The following CSNK2A2IP variants were observed in gnomAD, a reference collection of about 807,000 sequenced individuals.
The protein encoded by CSNK2A2IP is casein kinase 2 subunit alpha' interacting protein.
At chr3:88,421,583 T>C in the CSNK2A2IP span, among the ~76,000 whole-genome samples, 1 of 152,042 alleles carries the variant, frequency 6.6e-6, no homozygotes, top group Admixed American at 6.6e-5. Context: ...CCTGGCTAAC[T>C]TTTTGTATTT....
At chr3:88,403,346 G>GA in the CSNK2A2IP span, among the ~76,000 whole-genome samples, 1 of 152,010 alleles carries the variant, frequency 6.6e-6, no homozygotes, top group Non-Finnish European at 1.5e-5. Flanking sequence ...GGTCACCATT[G>GA]AAAAATGTAA....
At chr3:88,371,052 A>G in the CSNK2A2IP span, among the ~76,000 whole-genome samples, 4 of 151,450 alleles carry the variant, frequency 2.6e-5, no homozygotes, top group African/African-American at 7.3e-5. Context: ...AAATAAATTT[A>G]TGTTGTTTAA....
At chr3:88,338,675 CAAGAGTGTG>C in the CSNK2A2IP span, 2 of 152,100 alleles carry the variant, frequency 1.3e-5, no homozygotes, top group African/African-American at 4.8e-5. Context: ...TGCTTCTGTA[CAAGAGTGTG>C]CTAAAGTCCT....
the CSNK2A2IP span, among the ~76,000 whole-genome samples, chr3:88,394,596 A>G: frequency 6.6e-6 from 1 of 152,032 alleles, no homozygotes; most frequent in South Asian, 2.1e-4. Flanking sequence ...CTGGTCTCGA[A>G]CTCTTGACCT....
At chr3:88,412,160 T>A in the CSNK2A2IP span, among the ~76,000 whole-genome samples, 32 of 152,066 alleles carry the variant, frequency 2.1e-4, no homozygotes, top group East Asian at 6.2e-3. Context: ...GTTTTATCAG[T>A]ACTAGGGAAA....
chr3:88,387,404 C>T, the CSNK2A2IP span, among the ~76,000 whole-genome samples: 8 of 152,080 alleles, frequency 5.3e-5, no homozygotes, highest in African/African-American at 1.7e-4. Flanking sequence ...CTCTTGACCT[C>T]GTGATCCACC....
At chr3:88,396,104 CTT>C in the CSNK2A2IP span, among the ~76,000 whole-genome samples, 610 of 115,332 alleles carry the variant, frequency 5.3e-3, 1 homozygote, top group Middle Eastern at 0.014. Context: ...CTACCTACTT[CTT>C]TTTTTTTTTT....
At chr3:88,425,472 C>A in the CSNK2A2IP span, among the ~76,000 whole-genome samples, 1 of 151,970 alleles carries the variant, frequency 6.6e-6, no homozygotes, top group Non-Finnish European at 1.5e-5. Context: ...ATATTTATAT[C>A]TCTACTATCA....
At chr3:88,420,056 A>G in the CSNK2A2IP span, among the ~76,000 whole-genome samples, 2 of 152,164 alleles carry the variant, frequency 1.3e-5, no homozygotes, top group Non-Finnish European at 2.9e-5. Context: ...CTACCAGAGA[A>G]ATTATGATTT....
the CSNK2A2IP span, among the ~76,000 whole-genome samples, chr3:88,442,450 A>G: frequency 2.0e-5 from 3 of 152,188 alleles, no homozygotes; most frequent in African/African-American, 7.2e-5. Flanking sequence ...TACAAACAAA[A>G]ATAGACTGAA....
chr3:88,437,626 C>A, the CSNK2A2IP span, among the ~76,000 whole-genome samples: 1 of 152,114 alleles, frequency 6.6e-6, no homozygotes, highest in Non-Finnish European at 1.5e-5. Context: ...AAGTCATAAT[C>A]ATTTCCTAAA....
At chr3:88,445,356 A>C in the CSNK2A2IP span, among the ~76,000 whole-genome samples, 776 of 150,656 alleles carry the variant, frequency 5.2e-3, 10 homozygotes, top group African/African-American at 0.018. Context: ...AGACGAAGGC[A>C]GGAGAATTGC....
the CSNK2A2IP span, among the ~76,000 whole-genome samples, chr3:88,427,892 G>T: frequency 6.6e-6 from 1 of 152,126 alleles, no homozygotes; most frequent in Admixed American, 6.5e-5. Flanking sequence ...GTACCCACTT[G>T]GTCACTGCCT....
chr3:88,401,283 T>C, the CSNK2A2IP span, among the ~76,000 whole-genome samples: 6 of 152,130 alleles, frequency 3.9e-5, no homozygotes, highest in Non-Finnish European at 5.9e-5. Flanking sequence ...ATGTCTTCTT[T>C]ATAATTTTCA....
the CSNK2A2IP span, among the ~76,000 whole-genome samples, chr3:88,410,350 G>A: frequency 3.9e-5 from 6 of 152,060 alleles, no homozygotes; most frequent in Non-Finnish European, 8.8e-5. Flanking sequence ...GTTCCTTAAG[G>A]TATGTGACAA....
chr3:88,378,152 A>C, the CSNK2A2IP span, among the ~76,000 whole-genome samples: 1 of 152,080 alleles, frequency 6.6e-6, no homozygotes, highest in Non-Finnish European at 1.5e-5. Flanking sequence ...TAATGATGCA[A>C]TTTTAACTTA....
At chr3:88,431,953 C>G in the CSNK2A2IP span, among the ~76,000 whole-genome samples, 1 of 152,004 alleles carries the variant, frequency 6.6e-6, no homozygotes, top group Non-Finnish European at 1.5e-5. Flanking sequence ...AGGCTCAAGC[C>G]ATTTTCCCAT....
chr3:88,382,435 A>C, the CSNK2A2IP span: 1 of 152,224 alleles, frequency 6.6e-6, no homozygotes, highest in African/African-American at 2.4e-5. Context: ...TGGAGACCTC[A>C]AGCACTGAGA....
chr3:88,377,032 C>T, the CSNK2A2IP span, among the ~76,000 whole-genome samples: 197 of 151,904 alleles, frequency 1.3e-3, 2 homozygotes, highest in African/African-American at 4.4e-3. Flanking sequence ...AGAAGGCGTT[C>T]CTTAAAAATC....
Sources: gnomAD v4.1 joint callset for allele counts (sites outside exome capture counted in the v4.1 genomes callset) on GRCh38, gnomAD v4.1.1 for gene constraint, MANE v1.5 for transcripts, NCBI Gene and HGNC (gene_info 2026-07-23, HGNC 2026-07-21) for gene names.